The following SIRT3 variants were observed in gnomAD, a reference collection of about 807,000 sequenced individuals.
SIRT3 encodes the protein sirtuin 3, also known as NAD-dependent protein deacetylase sirtuin-3, mitochondrial.
A neutral mutation model predicts 33.5 loss-of-function variants in SIRT3; 26 were observed. The ratio of observed to expected loss-of-function variants is 0.78; its 90% CI spans 0.57 to 1.08. The LOEUF (loss-of-function observed/expected upper bound fraction) is 1.08. Ranked by LOEUF, SIRT3 falls within the 50% of genes least tolerant of loss-of-function variation. The pLI, the probability that SIRT3 is intolerant of heterozygous loss-of-function variation, is 0.00. For missense variants in SIRT3, 585 were observed against 530.1 expected (o/e 1.10, Z -1.02); for synonymous variants, 237 against 222.1 (o/e 1.07, Z -0.60).
upstream of SIRT3, chr11:236,343 A>T (rs7118852): frequency 7.1e-7 from 1 of 1,402,798 alleles, no homozygotes; most frequent in Admixed American, 3.0e-5. Context: ...CGCGCAGTCC[A>T]AGGAGTCCTC....
chr11:233,418 C>G lies in SIRT3; in HGVS notation c.398G>C (p.Arg133Pro). 1.2e-6 allele frequency: 2 copies of G among 1,614,048 alleles called. No homozygotes were observed. The highest frequency in any genetic ancestry group is 1.7e-6 in the Non-Finnish European group (2 of 1,179,988). Reference protein sequence around the residue: ...LSLQDVAELIRARACQRVVVM... With the variant: ...LSLQDVAELIPARACQRVVVM... The stretch of plus-strand genomic sequence containing the variant: ...CACCACCCTCTGGCAGGCTCTGGCC[C>G]GAATCAGCTCAGCTACATCCTGCAG... The change falls in exon 2 of 7, where the codon CGG (arginine) becomes CCG (proline). Residue 133 changes from arginine to proline, a missense_variant. By Grantham distance (103) the Arg-to-Pro change is moderately radical. Coordinates refer to ENST00000382743, the MANE Select transcript of SIRT3 (RefSeq NM_012239.6).
intron 3 of SIRT3, among the ~76,000 whole-genome samples, chr11:232,203 C>T (rs1223561945): frequency 3.9e-5 from 6 of 152,064 alleles, no homozygotes; most frequent in African/African-American, 7.2e-5. Flanking sequence ...CTGCAACCTC[C>T]GCCTGCTGGG....
chr11:228,922 C>A (rs1199113231), intron 4 of SIRT3, among the ~76,000 whole-genome samples: 1 of 152,180 alleles, frequency 6.6e-6, no homozygotes, highest in Non-Finnish European at 1.5e-5. Context: ...CAAAGGACTT[C>A]AATCTCCAAA....
rs1368200207 is a variant in SIRT3, at chr11:233,399, C to T, written c.417G>A (p.Arg139=). The change falls in exon 2 of 7, where the codon AGG becomes AGA. Residue 139 remains arginine, a synonymous_variant. Coordinates refer to ENST00000382743, the MANE Select transcript of SIRT3 (RefSeq NM_012239.6). The part of the protein sequence containing the change: ...AELIRARACQ[R]VVVMVGAGIS... ...TGCCGGCCCCCACCATGACCACCAC[C>T]CTCTGGCAGGCTCTGGCCCGAATCA... The T allele has an allele frequency of 6.2e-7, 1 of 1,614,160 alleles. No individual in the cohort carries two copies. The highest frequency in any genetic ancestry group is 1.7e-5 in the Admixed American group (1 of 60,008).
chr11:216,861 T>C, intron 6 of SIRT3, 143 bp from the exon 7 acceptor site: 1 of 919,694 alleles, frequency 1.1e-6, no homozygotes, highest in Non-Finnish European at 1.8e-6. Flanking sequence ...GCTGCTGCTG[T>C]GCTGGGCTAA....
At chr11:218,691 G>A (rs1370205046) in intron 6 of SIRT3, 141 bp downstream of exon 6, 2 of 1,452,902 alleles carry the variant, frequency 1.4e-6, no homozygotes, top group Non-Finnish European at 1.8e-6. Flanking sequence ...GTCAGGTCCA[G>A]GTAGTGCCTG....
Position 224,211 on chromosome 11 carries a change from C to T in SIRT3, c.836G>A (p.Arg279His), listed in dbSNP as rs142592164. The T allele has an allele frequency of 2.6e-5, 42 of 1,613,994 alleles. No homozygotes were observed. Among genetic ancestry groups the T allele is most frequent in the African/African-American group, 2.1e-4 (16 of 74,926 alleles). ...CACAACGCCGGTGCAGACCGGGCAG[C>T]GGGGAACCCTGTCTGCCATCACGTC... ...RADVMADRVP[R>H]CPVCTGVVKP... is the part of the protein sequence containing the mutation. The change falls in exon 5 of 7, where the codon CGC becomes CAC. Residue 279 changes from arginine to histidine, a missense_variant. Arg to His is a conservative substitution (Grantham distance 29). Transcript: ENST00000382743.
intron 6 of SIRT3, 85 bp from the exon 7 acceptor site, chr11:216,803 G>C: frequency 7.2e-7 from 1 of 1,384,558 alleles, no homozygotes; most frequent in Non-Finnish European, 1.0e-6. Flanking sequence ...AGCTCTAGCT[G>C]CAGACATGCA....
At chr11:234,689 A>G (rs914468221) in intron 1 of SIRT3, among the ~76,000 whole-genome samples, 1 of 152,160 alleles carries the variant, frequency 6.6e-6, no homozygotes, top group Non-Finnish European at 1.5e-5. Context: ...TGCTGGAATT[A>G]CAGGCGTGAG....
chr11:229,654 G>C (rs1857642533), intron 4 of SIRT3, among the ~76,000 whole-genome samples: 1 of 151,964 alleles, frequency 6.6e-6, no homozygotes, highest in African/African-American at 2.4e-5. Flanking sequence ...AGCTTCTCAG[G>C]AGGCTGAGGC....
At chr11:230,249 G>A (rs961941815) in intron 4 of SIRT3, among the ~76,000 whole-genome samples, 1 of 150,508 alleles carries the variant, frequency 6.6e-6, no homozygotes, top group Non-Finnish European at 1.5e-5. Flanking sequence ...GGAATTGGCT[G>A]AAGGGAGATT....
chr11:228,452 T>C (rs1857459724), intron 4 of SIRT3, among the ~76,000 whole-genome samples: 1 of 152,218 alleles, frequency 6.6e-6, no homozygotes, highest in Admixed American at 6.5e-5. Flanking sequence ...TGGAATAGAA[T>C]TGAGACTCTA....
rs759278864 is a variant in SIRT3, at chr11:219,010, A to G, written c.1001T>C (p.Val334Ala). Residue 334 changes from valine (V) to alanine (A), a missense_variant, in exon 6 of 7, where the codon GTG becomes GCG. Physicochemically the swap from Val to Ala is moderately conservative, Grantham distance 64. Transcript: ENST00000382743. ...GAGCAGTCGGGGAACTGAGCTCCGC[A>G]CGGCCTCGGTCAAGCTGGCAAAAGG... ...VEPFASLTEA[V>A]RSSVPRLLIN... The G allele has an allele frequency of 3.1e-6, 5 of 1,613,830 alleles. No homozygotes were observed. In the East Asian group the frequency reaches 1.1e-4, roughly 36 times the overall value.
In SIRT3 at chr11:233,292, C is replaced by G. The variant is rs755770702; in HGVS notation, c.473+51G>C. ...GGAATAAACTGGGCAGTGGGGAGGGCAGGAGTCAGGGGAGGGGAGCGCAGA... is the reference window on the plus strand; with the variant it reads ...GGAATAAACTGGGCAGTGGGGAGGGGAGGAGTCAGGGGAGGGGAGCGCAGA... On this transcript the variant is annotated intron_variant, in intron 2 of 6. Transcript: ENST00000382743. The G allele has an allele frequency of 8.7e-6, 14 of 1,600,144 alleles. No homozygotes were observed. The Admixed American group carries it at 2.2e-4, about 25-fold the overall frequency.
chr11:216,792 C>G (rs1407206345), intron 6 of SIRT3, 74 bp from the exon 7 acceptor site: 3 of 1,492,628 alleles, frequency 2.0e-6, no homozygotes, highest in Non-Finnish European at 2.8e-6. Flanking sequence ...TCTGTTCAAA[C>G]AGCTCTAGCT....
At chr11:231,555 C>A (rs1036682927) in intron 3 of SIRT3, among the ~76,000 whole-genome samples, 1 of 152,180 alleles carries the variant, frequency 6.6e-6, no homozygotes, top group African/African-American at 2.4e-5. Context: ...CAAAAAGTGA[C>A]TTCTTATGAA....
chr11:232,955 G>T, intron 3 of SIRT3, 28 bp downstream of exon 3: 2 of 1,604,244 alleles, frequency 1.2e-6, no homozygotes, highest in Admixed American at 1.7e-5. Flanking sequence ...GGGAGAAAAA[G>T]AATGTGTGCG....
At position 236,065 on chromosome 11, in the gene SIRT3, G is replaced by A. The variant is rs751056830; in HGVS notation, c.264C>T (p.Pro88=). The A allele has an allele frequency of 2.0e-6, 3 of 1,530,442 alleles. No individual in the cohort carries two copies. Among genetic ancestry groups the A allele is most frequent in the South Asian group, 2.5e-5 (2 of 81,292 alleles). 94.8% of individuals were successfully genotyped at this position (1,530,442 alleles called of 1,614,324 possible). ...AFRRQPRAAA[P]SFFFSSIKGG... ...CAAAATACCTCGAAAAGAAGAAACT[G>A]GGAGCTGCTGCCCTCGGCTGCCTCC... Residue 88 remains proline, a synonymous_variant, in exon 1 of 7, where the codon CCC becomes CCT. Transcript: ENST00000382743.
chr11:230,504 G>A lies in SIRT3; in HGVS notation c.755C>T (p.Ala252Val). The A allele has an allele frequency of 6.5e-7, 1 of 1,540,330 alleles. No homozygotes were observed. Among genetic ancestry groups the A allele is most frequent in the Non-Finnish European group, 8.7e-7 (1 of 1,143,244 alleles). ...TTGGCAGACTGTGCAGGTGGCAGAG[G>A]CAAAGGTTCCATGAGCTTCAACCAG... The part of the protein sequence containing the change: ...SKLVEAHGTF[A>V]SATCTVCQRP... Residue 252 changes from alanine (A) to valine (V), a missense_variant, in exon 4 of 7, where the codon GCC (alanine) becomes GTC (valine). Transcript: ENST00000382743.
Sources: allele counts gnomAD v4.1 joint callset (sites outside exome capture counted in the v4.1 genomes callset), GRCh38; gene constraint gnomAD v4.1.1; transcripts MANE v1.5; gene names NCBI Gene and HGNC (gene_info 2026-07-23, HGNC 2026-07-21).